Variants in B4GALT1 observed in about 807,000 individuals in gnomAD.
B4GALT1 encodes the protein N-acetyllactosamine synthase.
Under a neutral mutation model 34.9 loss-of-function variants are expected in B4GALT1, and 16 were observed. The observed-to-expected ratio is 0.46, with a 90% CI of 0.31 to 0.70. The LOEUF is 0.70. B4GALT1 is among the 30% of genes least tolerant of loss of function. The probability of loss-of-function intolerance (pLI) is 0.05; values close to 1 mark genes in which losing one functional copy is unlikely to be tolerated. For missense variants in B4GALT1, 445 were observed against 530.5 expected (o/e 0.84, Z 1.58); for synonymous variants, 221 against 218.1 (o/e 1.01, Z -0.12).
In B4GALT1 at chr9:33,150,552, G is replaced by A. The variant is rs137968346; in HGVS notation, c.413-15128C>T. 5.5e-3 allele frequency among the ~76,000 whole-genome samples: 836 copies of A among 152,210 alleles called. 9 individuals are homozygous for A. The highest frequency in any genetic ancestry group is 0.019 in the African/African-American group (788 of 41,540). Reference sequence around the variant, plus strand: ...CTCAAAAAGACAAAACAATAGTAATGAAGAATAGATCAGTGGTTGCCTGGG... The same window carrying A: ...CTCAAAAAGACAAAACAATAGTAATAAAGAATAGATCAGTGGTTGCCTGGG... On this transcript the variant is annotated intron_variant, in intron 1 of 5. Coordinates refer to ENST00000379731, the MANE Select transcript of B4GALT1 (RefSeq NM_001497.4).
intron 1 of B4GALT1, among the ~76,000 whole-genome samples, chr9:33,157,197 A>C (rs1840609617): frequency 6.6e-6 from 1 of 151,530 alleles, no homozygotes; most frequent in South Asian, 2.1e-4. Flanking sequence ...AGCTAGATCC[A>C]AATCGCCCTT....
chr9:33,167,633 T>A (rs2118359394), upstream of B4GALT1, among the ~76,000 whole-genome samples: 1 of 152,328 alleles, frequency 6.6e-6, no homozygotes. Context: ...TCCTCCACGC[T>A]GCCCTCGACA....
intron 1 of B4GALT1, among the ~76,000 whole-genome samples, chr9:33,144,273 G>A (rs1385072118): frequency 2.0e-5 from 3 of 151,738 alleles, no homozygotes; most frequent in African/African-American, 7.3e-5. Context: ...TCACTCTGTC[G>A]CCCAGGCTGG....
intron 2 of B4GALT1, among the ~76,000 whole-genome samples, chr9:33,121,499 A>C (rs934265997): frequency 6.8e-6 from 1 of 146,494 alleles, no homozygotes; most frequent in African/African-American, 2.5e-5. Flanking sequence ...AGTAGCTGGG[A>C]TTACAGGCAT....
rs773016727 is a variant in B4GALT1, at chr9:33,167,175, C to A, written c.-6G>T. ...AGCGGCTCCCGAAGCCTCATCTTCC[C>A]GCCGCCGCTTTAAGAAGGGTGTGGG... On this transcript the variant is annotated 5_prime_UTR_variant, in exon 1 of 6. Coordinates refer to ENST00000379731, the MANE Select transcript of B4GALT1 (RefSeq NM_001497.4). 14 of 1,595,046 alleles carry A rather than the reference C, an allele frequency of 8.8e-6. No homozygotes were observed. The highest frequency in any genetic ancestry group is 1.1e-5 in the Non-Finnish European group (13 of 1,172,576).
In B4GALT1 at chr9:33,166,658, C is replaced by T. The variant is rs1840759310; in HGVS notation, c.412+100G>A. On this transcript the variant is annotated intron_variant, in intron 1 of 5. Coordinates refer to ENST00000379731, the MANE Select transcript of B4GALT1 (RefSeq NM_001497.4). ...CTCTGATCCAGAAGAGGGAGGCTGG[C>T]TGTCGTAGAAGAGCCAGCCTGAGGG... is the stretch of plus-strand genomic sequence containing the variant. The T allele has an allele frequency of 5.4e-6, 7 of 1,289,174 alleles. No homozygotes were observed. The East Asian group carries it at 1.0e-4, about 19-fold the overall frequency. 79.9% of individuals were successfully genotyped at this position (1,289,174 alleles called of 1,614,324 possible).
At chr9:33,175,353 C>G in the B4GALT1 span, among the ~76,000 whole-genome samples, 1 of 151,874 alleles carries the variant, frequency 6.6e-6, no homozygotes, top group African/African-American at 2.4e-5. Flanking sequence ...ATTGGGATGA[C>G]CAGTGAAACT....
At position 33,166,786 on chromosome 9, in the gene B4GALT1, G is replaced by A. The variant is rs1483625558; in HGVS notation, c.384C>T (p.Pro128=). 2 of 1,525,622 alleles carry A rather than the reference G, an allele frequency of 1.3e-6. No homozygotes were observed. Among genetic ancestry groups the A allele is most frequent in the Non-Finnish European group, 1.8e-6 (2 of 1,142,768 alleles). 94.5% of individuals were successfully genotyped at this position (1,525,622 alleles called of 1,614,324 possible). A position where few individuals can be genotyped will look rare whatever the true frequency, so the allele number is the denominator to read the frequency against. Reference sequence around the variant, plus strand: ...GCAGCGGGGACTCCTCAGGGCAGGCGGGCAGCGACAGTGCGGTGGTGTGGG... The same window carrying A: ...GCAGCGGGGACTCCTCAGGGCAGGCAGGCAGCGACAGTGCGGTGGTGTGGG... ...PVPHTTALSL[P]ACPEESPLLV... The change falls in exon 1 of 6, where the codon CCC becomes CCT. Residue 128 remains proline, a synonymous_variant. Coordinates refer to ENST00000379731, the MANE Select transcript of B4GALT1 (RefSeq NM_001497.4).
intron 1 of B4GALT1, among the ~76,000 whole-genome samples, chr9:33,165,292 G>A (rs1297122513): frequency 1.4e-5 from 2 of 145,776 alleles, no homozygotes; most frequent in East Asian, 2.3e-4. Flanking sequence ...TAATGTACAC[G>A]ATCTCATTTA....
intron 1 of B4GALT1, among the ~76,000 whole-genome samples, chr9:33,160,852 T>C (rs974615059): frequency 2.0e-5 from 3 of 152,184 alleles, no homozygotes; most frequent in South Asian, 2.1e-4. Flanking sequence ...TTTTGGGTGA[T>C]AGGAATTTGG....
At chr9:33,123,151 G>A (rs911409307) in intron 2 of B4GALT1, among the ~76,000 whole-genome samples, 9 of 151,890 alleles carry the variant, frequency 5.9e-5, no homozygotes, top group African/African-American at 1.2e-4. Flanking sequence ...GGTGGCGGGC[G>A]CCTGGATTCC....
chr9:33,169,648 G>A (rs1389649637), upstream of B4GALT1, among the ~76,000 whole-genome samples: 1 of 151,736 alleles, frequency 6.6e-6, no homozygotes, highest in East Asian at 1.9e-4. Context: ...AGCCTCTTGA[G>A]TAGCTGGGAT....
At chr9:33,153,485 GAAAAA>G (rs1840552582) in intron 1 of B4GALT1, among the ~76,000 whole-genome samples, 1 of 151,832 alleles carries the variant, frequency 6.6e-6, no homozygotes, top group Non-Finnish European at 1.5e-5. Context: ...GCAAGACTAA[GAAAAA>G]AAGAAAATTC....
At chr9:33,160,510 T>C (rs968292021) in intron 1 of B4GALT1, among the ~76,000 whole-genome samples, 1 of 152,234 alleles carries the variant, frequency 6.6e-6, no homozygotes, top group South Asian at 2.1e-4. Flanking sequence ...CTGACACCTA[T>C]AATCCCAGCG....
chr9:33,153,900 G>A (rs572909558), intron 1 of B4GALT1, among the ~76,000 whole-genome samples: 16 of 149,708 alleles, frequency 1.1e-4, no homozygotes, highest in African/African-American at 3.5e-4. Flanking sequence ...AAGATCTCAC[G>A]ACGAAAGAAA....
In B4GALT1 at chr9:33,113,893, G is replaced by A; in HGVS notation, c.960-15C>T. The A allele has an allele frequency of 6.2e-7, 1 of 1,612,642 alleles. No individual in the cohort carries two copies. Among genetic ancestry groups the A allele is most frequent in the Non-Finnish European group, 8.5e-7 (1 of 1,178,648 alleles). On this transcript the variant is annotated splice_polypyrimidine_tract_variant and intron_variant, in intron 4 of 5. Coordinates refer to ENST00000379731, the MANE Select transcript of B4GALT1 (RefSeq NM_001497.4). ...TAAAAACTAATCTGCAAAGAGTAAA[G>A]GGAAAGTCATTATCACAGAGCTGCC...
rs1839867369 is a variant in B4GALT1, at chr9:33,111,847, C to G, written c.*1607G>C. On this transcript the variant is annotated 3_prime_UTR_variant, in exon 6 of 6. Transcript: ENST00000379731. Reference sequence around the variant, plus strand: ...ACAGAGGTGGGTTTGTGACAGACAGCCCTGTGGGTGGGAGCCTCAACTGGG... The same window carrying G: ...ACAGAGGTGGGTTTGTGACAGACAGGCCTGTGGGTGGGAGCCTCAACTGGG... 1 of 152,470 alleles carries G rather than the reference C, an allele frequency of 6.6e-6. No homozygotes were observed. Among genetic ancestry groups the G allele is most frequent in the African/African-American group, 2.4e-5 (1 of 41,434 alleles). The allele number at this position is 152,470 out of a possible 1,614,324, so 9.4% of individuals were successfully genotyped here.
In B4GALT1 at chr9:33,167,086, G is replaced by T. The variant is rs749157379; in HGVS notation, c.84C>A (p.Ala28=). 1.0e-5 allele frequency: 16 copies of T among 1,604,566 alleles called. No homozygotes were observed. The highest frequency in any genetic ancestry group is 1.3e-5 in the Non-Finnish European group (15 of 1,179,072). ...SLQRACRLLV[A]VCALHLGVTL... is the part of the protein sequence containing the mutation. ...TGACGCCAAGGTGCAGAGCGCAGAC[G>T]GCCACGAGCAGGCGGCAGGCCCGCT... Residue 28 remains alanine, a synonymous_variant, in exon 1 of 6, where the codon GCC becomes GCA. Transcript: ENST00000379731.
chr9:33,121,332 TGTGCTG>T (rs1840017641), intron 2 of B4GALT1, among the ~76,000 whole-genome samples: 1 of 152,216 alleles, frequency 6.6e-6, no homozygotes, highest in Admixed American at 6.5e-5. Context: ...AGGCACCAAG[TGTGCTG>T]GTGCAAAGGG....
Sources: gnomAD v4.1 joint callset for allele counts (sites outside exome capture counted in the v4.1 genomes callset) on GRCh38, gnomAD v4.1.1 for gene constraint, MANE v1.5 for transcripts, NCBI Gene and HGNC (gene_info 2026-07-23, HGNC 2026-07-21) for gene names.